LHPP: variants seen among roughly 807,000 people sequenced by gnomAD.
The protein encoded by LHPP is hLHPP.
A neutral mutation model predicts 30.3 loss-of-function variants in LHPP; 24 were observed. The observed-to-expected ratio is 0.79, with a 90% CI of 0.57 to 1.11. The LOEUF (loss-of-function observed/expected upper bound fraction) is 1.11, where lower values mean the gene tolerates loss of function less well. LHPP is among the 50% of genes most tolerant of loss of function. The probability of loss-of-function intolerance (pLI) is 0.00; values close to 1 mark genes in which losing one functional copy is unlikely to be tolerated. For missense variants in LHPP, 356 were observed against 367.2 expected, an observed-to-expected ratio of 0.97 and a Z score of 0.25; for synonymous variants, 150 against 157.1, an observed-to-expected ratio of 0.95 and a Z score of 0.34.
Position 124,473,027 on chromosome 10 carries a change from CTTCT to C in LHPP, c.125+11041_125+11044del, listed in dbSNP as rs564578253. On this transcript the variant is annotated intron_variant, in intron 1 of 6. Transcript: ENST00000368842. ...GCTCTGCTGGCAGGAGTAAGGTCTG[CTTCT>C]CAGTTTCTGATCTCAGCCTTGGTGG... is the stretch of plus-strand genomic sequence containing the variant. Among the ~76,000 whole-genome samples the C allele has an allele frequency of 7.4e-3, 1,122 of 152,292 alleles. 11 individuals carry two copies. The highest frequency in any genetic ancestry group is 0.024 in the African/African-American group (1,016 of 41,550).
intron 6 of LHPP, among the ~76,000 whole-genome samples, chr10:124,560,167 G>C (rs1948371331): frequency 6.6e-6 from 1 of 152,180 alleles, no homozygotes; most frequent in Non-Finnish European, 1.5e-5. Flanking sequence ...TATGGAGAGA[G>C]GACTCTTTCT....
intron 1 of LHPP, 68 bp downstream of exon 1, chr10:124,462,055 C>T (rs1237761849): frequency 8.5e-7 from 1 of 1,175,902 alleles, no homozygotes; most frequent in Non-Finnish European, 1.1e-6. Context: ...TGGCTGCCGG[C>T]AGGGGGCGGG....
At chr10:124,577,520 A>T (rs1230301595) in intron 6 of LHPP, among the ~76,000 whole-genome samples, 1 of 152,160 alleles carries the variant, frequency 6.6e-6, no homozygotes. Context: ...GCTCTGAGGC[A>T]GGTGGACAGC....
intron 6 of LHPP, among the ~76,000 whole-genome samples, chr10:124,581,167 C>T (rs939986521): frequency 4.6e-5 from 6 of 129,850 alleles, no homozygotes; most frequent in Non-Finnish European, 6.6e-5. Flanking sequence ...TAGTATGTGG[C>T]CTTTTCTGTC....
Position 124,523,113 on chromosome 10 carries a change from A to G in LHPP, c.716+5842A>G, listed in dbSNP as rs1564808481. 6.6e-6 allele frequency among the ~76,000 whole-genome samples: 1 copy of G among 152,200 alleles called. No homozygotes were observed. Among genetic ancestry groups the G allele is most frequent in the Non-Finnish European group, 1.5e-5 (1 of 68,036 alleles). On this transcript the variant is annotated intron_variant, in intron 6 of 6. Coordinates refer to ENST00000368842, the MANE Select transcript of LHPP (RefSeq NM_022126.4). This position sits in a 1 kb window ranked among gnomAD's most constrained non-coding sequence, Gnocchi z 4.2. Reference sequence around the variant, plus strand: ...GCGCTAGTCCTGGTGCTGCTGTGTAAATAAAGCCGCGATGCGGAGCTCGCC... The same window carrying G: ...GCGCTAGTCCTGGTGCTGCTGTGTAGATAAAGCCGCGATGCGGAGCTCGCC...
chr10:124,499,738 G>A (rs983099489), intron 5 of LHPP, among the ~76,000 whole-genome samples: 7 of 151,996 alleles, frequency 4.6e-5, no homozygotes, highest in Non-Finnish European at 7.3e-5. Flanking sequence ...AGAAGCATGG[G>A]TTGGGGGTCC....
chr10:124,591,234 G>A (rs1002500323), intron 6 of LHPP, among the ~76,000 whole-genome samples: 13 of 152,198 alleles, frequency 8.5e-5, no homozygotes, highest in African/African-American at 2.2e-4. Flanking sequence ...CTGAGCTGCC[G>A]GTGAGGGAGA....
intron 2 of LHPP, among the ~76,000 whole-genome samples, chr10:124,488,175 T>C (rs1953399162): frequency 6.6e-6 from 1 of 152,164 alleles, no homozygotes; most frequent in Non-Finnish European, 1.5e-5. Flanking sequence ...TGATGTGGTA[T>C]TGGGATGGAG....
chr10:124,538,375 C>T (rs1955092443), intron 6 of LHPP, among the ~76,000 whole-genome samples: 1 of 152,204 alleles, frequency 6.6e-6, no homozygotes, highest in Non-Finnish European at 1.5e-5. Flanking sequence ...CTTCTCTCAG[C>T]CCTTTGGGAT....
At chr10:124,538,189 G>GTGGTCACCATGCA (rs200691899) in intron 6 of LHPP, among the ~76,000 whole-genome samples, 2 of 149,444 alleles carry the variant, frequency 1.3e-5, no homozygotes, top group East Asian at 3.9e-4. Flanking sequence ...GTCACCATGC[G>GTGGTCACCATGCA]GGGTCACCAT....
chr10:124,526,481 T>C (rs549244175), intron 6 of LHPP, among the ~76,000 whole-genome samples: 2 of 152,340 alleles, frequency 1.3e-5, no homozygotes, highest in Admixed American at 6.5e-5. Context: ...CTCCAAGGCC[T>C]GTGCCCCTGA....
intron 6 of LHPP, among the ~76,000 whole-genome samples, chr10:124,538,884 C>T (rs1380126066): frequency 2.0e-5 from 3 of 152,156 alleles, no homozygotes; most frequent in East Asian, 1.9e-4. Context: ...GCAGCCGTGG[C>T]GTGGCAGAGG....
At chr10:124,604,259 C>T (rs749305916) in intron 6 of LHPP, among the ~76,000 whole-genome samples, 21 of 152,210 alleles carry the variant, frequency 1.4e-4, no homozygotes, top group Non-Finnish European at 2.2e-4. Context: ...CCAGCTACCC[C>T]GTAAGGAGGC....
At chr10:124,586,778 A>T (rs1053925446) in intron 6 of LHPP, among the ~76,000 whole-genome samples, 1 of 152,022 alleles carries the variant, frequency 6.6e-6, no homozygotes, top group African/African-American at 2.4e-5. Context: ...ACGCAAAAAA[A>T]TTATGCAGTT....
intron 5 of LHPP, among the ~76,000 whole-genome samples, chr10:124,515,235 A>C (rs1189729760): frequency 2.0e-5 from 3 of 152,208 alleles, no homozygotes; most frequent in Admixed American, 6.5e-5. Context: ...TTCTATTGCC[A>C]TGTCTCCAGG....
At chr10:124,583,455 G>C (rs978171625) in intron 6 of LHPP, among the ~76,000 whole-genome samples, 1 of 152,166 alleles carries the variant, frequency 6.6e-6, no homozygotes, top group Non-Finnish European at 1.5e-5. Flanking sequence ...GTTGACCATT[G>C]TAGTAGGCTG....
intron 5 of LHPP, among the ~76,000 whole-genome samples, chr10:124,513,462 CTTT>C (rs34225779): frequency 1.1e-5 from 1 of 92,218 alleles, no homozygotes; most frequent in African/African-American, 4.7e-5. Context: ...ATTATTATTA[CTTT>C]TTTTTTTTTT....
At chr10:124,569,351 G>A (rs1948547031) in intron 6 of LHPP, among the ~76,000 whole-genome samples, 1 of 152,180 alleles carries the variant, frequency 6.6e-6, no homozygotes, top group Non-Finnish European at 1.5e-5. Flanking sequence ...TTGTCTGTCG[G>A]GCTGTGTCGC....
intron 5 of LHPP, among the ~76,000 whole-genome samples, chr10:124,503,788 A>G (rs1428936076): frequency 6.7e-6 from 1 of 149,840 alleles, no homozygotes; most frequent in East Asian, 1.9e-4. Context: ...AACTATGTAT[A>G]TATTTGTATT....
Sources: allele counts gnomAD v4.1 joint callset (sites outside exome capture counted in the v4.1 genomes callset), GRCh38; gene constraint gnomAD v4.1.1; non-coding constraint Gnocchi (gnomAD v3.1); transcripts MANE v1.5; gene names NCBI Gene and HGNC (gene_info 2026-07-23, HGNC 2026-07-21).